Variants in SH3RF3 observed in about 807,000 individuals in gnomAD.
SH3RF3 encodes E3 ubiquitin-protein ligase SH3RF3.
SH3RF3 carries 29 observed loss-of-function variants against 66.3 expected under a neutral mutation model. The observed-to-expected ratio is 0.44, with a 90% CI of 0.33 to 0.60. The LOEUF (loss-of-function observed/expected upper bound fraction) is 0.60, where lower values mean the gene tolerates loss of function less well. SH3RF3 is among the 20% of genes least tolerant of loss of function. The pLI is 0.04. For missense variants in SH3RF3, 1,194 were observed against 1,190.9 expected, an observed-to-expected ratio of 1.00 and a Z score of -0.04; for synonymous variants, 583 against 532.0, an observed-to-expected ratio of 1.10 and a Z score of -1.32.
At chr2:109,151,019 T>C (rs1226225060) in intron 1 of SH3RF3, among the ~76,000 whole-genome samples, 1 of 152,180 alleles carries the variant, frequency 6.6e-6, no homozygotes, top group Non-Finnish European at 1.5e-5. Context: ...ACACTGCTTA[T>C]GGAGTGCAAT....
chr2:109,402,148 T>C (rs1025267548), intron 4 of SH3RF3, among the ~76,000 whole-genome samples: 10 of 152,254 alleles, frequency 6.6e-5, no homozygotes, highest in African/African-American at 2.4e-4. Flanking sequence ...GGTCTGGATG[T>C]GCCCAGAGAC....
intron 1 of SH3RF3, among the ~76,000 whole-genome samples, chr2:109,222,329 C>T (rs890856342): frequency 2.0e-5 from 3 of 152,052 alleles, no homozygotes; most frequent in Admixed American, 2.0e-4. Flanking sequence ...TTTACAATAG[C>T]TAAAAGAGAT....
intron 8 of SH3RF3, among the ~76,000 whole-genome samples, chr2:109,472,984 C>G (rs1330343241): frequency 6.6e-6 from 1 of 152,212 alleles, no homozygotes; most frequent in Admixed American, 6.5e-5. Flanking sequence ...CTACCCGACT[C>G]GTGGGGCCTT....
intron 8 of SH3RF3, among the ~76,000 whole-genome samples, chr2:109,467,857 G>A (rs954292494): frequency 2.6e-5 from 4 of 152,128 alleles, no homozygotes; most frequent in East Asian, 1.9e-4. Flanking sequence ...AGCACCCTCC[G>A]CCGTCATTCA....
chr2:109,141,939 A>G (rs1227776149), intron 1 of SH3RF3, among the ~76,000 whole-genome samples: 6 of 151,702 alleles, frequency 4.0e-5, no homozygotes, highest in Non-Finnish European at 7.4e-5. Context: ...GGCCCTTTCT[A>G]CACTCACGGA....
chr2:109,497,884 A>G lies in SH3RF3; in HGVS notation c.2481-3619A>G, dbSNP rs1025808032. Among the ~76,000 whole-genome samples the G allele has an allele frequency of 2.0e-5, 3 of 152,264 alleles. No individual in the cohort carries two copies. The East Asian group carries it at 5.8e-4, about 29-fold the overall frequency. On this transcript the variant is annotated intron_variant, in intron 9 of 9. Coordinates refer to ENST00000309415, the MANE Select transcript of SH3RF3 (RefSeq NM_001099289.3). ...AAAACTTGCATTCAAAGTCTGAGAAATCATCTCGCCCTTTGCCTTCCTTTC... is the reference window on the plus strand; with the variant it reads ...AAAACTTGCATTCAAAGTCTGAGAAGTCATCTCGCCCTTTGCCTTCCTTTC...
At chr2:109,316,047 A>C (rs540810585) in intron 1 of SH3RF3, among the ~76,000 whole-genome samples, 1 of 152,316 alleles carries the variant, frequency 6.6e-6, no homozygotes, top group African/African-American at 2.4e-5. Context: ...GATTCCCAGT[A>C]TTTAGAGATT....
chr2:109,281,815 C>T (rs1445639995), intron 1 of SH3RF3, among the ~76,000 whole-genome samples: 6 of 152,054 alleles, frequency 3.9e-5, no homozygotes, highest in Non-Finnish European at 5.9e-5. Context: ...GTCGGGGGCA[C>T]GCTGACCATG....
chr2:109,291,175 G>C (rs543103384), intron 1 of SH3RF3, among the ~76,000 whole-genome samples: 2 of 152,272 alleles, frequency 1.3e-5, no homozygotes, highest in South Asian at 4.1e-4. Flanking sequence ...GAGTGAGAGG[G>C]CACCATCTCA....
chr2:109,424,747 G>A lies in SH3RF3; in HGVS notation c.1403+5105G>A, dbSNP rs1676985073. Among the ~76,000 whole-genome samples the A allele has an allele frequency of 2.6e-5, 4 of 152,082 alleles. No homozygotes were observed. In the South Asian group the frequency reaches 8.3e-4, roughly 32 times the overall value. On this transcript the variant is annotated intron_variant, in intron 5 of 9. Coordinates refer to ENST00000309415, the MANE Select transcript of SH3RF3 (RefSeq NM_001099289.3). ...GATGTGTATGTTCTGACGGCTCCAC[G>A]GACCCACCGTTTCCCCCATCTCTCT...
At chr2:109,443,642 A>G (rs1677633175) in intron 7 of SH3RF3, among the ~76,000 whole-genome samples, 1 of 152,236 alleles carries the variant, frequency 6.6e-6, no homozygotes, top group Non-Finnish European at 1.5e-5. Flanking sequence ...TATAAAAATT[A>G]TTAGAGATAA....
rs1678135795 is a variant in SH3RF3, at chr2:109,184,283, T to A, written c.573+54170T>A. ...TCAAAGCAGTGTTCAACTCTGTTCC[T>A]TCTCCCTTACTTCAAATGACCAAGT... On this transcript the variant is annotated intron_variant, in intron 1 of 9. Transcript: ENST00000309415. 2.6e-5 allele frequency among the ~76,000 whole-genome samples: 4 copies of A among 152,228 alleles called. No individual in the cohort carries two copies. In the South Asian group the frequency reaches 8.3e-4, roughly 32 times the overall value.
intron 4 of SH3RF3, among the ~76,000 whole-genome samples, chr2:109,407,363 G>A (rs1002619839): frequency 1.1e-4 from 17 of 152,260 alleles, no homozygotes; most frequent in Non-Finnish European, 2.4e-4. Flanking sequence ...AGAAGTAAAT[G>A]AGGAGAGTTC....
At chr2:109,400,270 C>T (rs1363258096) in intron 4 of SH3RF3, among the ~76,000 whole-genome samples, 9 of 151,766 alleles carry the variant, frequency 5.9e-5, no homozygotes, top group Non-Finnish European at 1.2e-4. Context: ...CATGCCCGCC[C>T]GCACATATGC....
chr2:109,444,654 C>G (rs72824754), intron 7 of SH3RF3, among the ~76,000 whole-genome samples: 3,755 of 152,250 alleles, frequency 0.025, 78 homozygotes, highest in Non-Finnish European at 0.038. Flanking sequence ...CTCTGCAGGA[C>G]CAGAACTCCA....
intron 1 of SH3RF3, among the ~76,000 whole-genome samples, chr2:109,131,601 C>T (rs1676698149): frequency 6.6e-6 from 1 of 152,100 alleles, no homozygotes; most frequent in Admixed American, 6.5e-5. Context: ...TGTGTTTGAC[C>T]AGGAGGTTAG....
intron 1 of SH3RF3, among the ~76,000 whole-genome samples, chr2:109,228,923 T>G (rs1161928352): frequency 6.6e-6 from 1 of 152,134 alleles, no homozygotes; most frequent in African/African-American, 2.4e-5. Flanking sequence ...CTTTGGAGGA[T>G]GGGGTATGGA....
chr2:109,419,767 T>G (rs1044575592), intron 5 of SH3RF3, 125 bp downstream of exon 5: 1 of 837,302 alleles, frequency 1.2e-6, no homozygotes, highest in Admixed American at 2.6e-5. Context: ...AGTATAGTTA[T>G]GTGCGTCTAA....
chr2:109,338,948 G>A (rs1195775550), intron 1 of SH3RF3, among the ~76,000 whole-genome samples: 1 of 152,186 alleles, frequency 6.6e-6, no homozygotes, highest in African/African-American at 2.4e-5. Flanking sequence ...TATCTTGGGA[G>A]AACTATACAT....
Sources: allele counts gnomAD v4.1 joint callset (sites outside exome capture counted in the v4.1 genomes callset), GRCh38; gene constraint gnomAD v4.1.1; transcripts MANE v1.5; gene names NCBI Gene and HGNC (gene_info 2026-07-23, HGNC 2026-07-21).